Variants in TRAPPC12 observed in about 807,000 individuals in gnomAD.
TRAPPC12 encodes trafficking protein particle complex subunit 12.
In TRAPPC12, 61 loss-of-function variants were observed where a neutral mutation model predicts 69.2. The observed-to-expected ratio is 0.88, with a 90% CI of 0.72 to 1.09. TRAPPC12 has a LOEUF of 1.09. Among genes scored for constraint, TRAPPC12 ranks in the 50% least tolerant of loss-of-function variants. The probability of loss-of-function intolerance (pLI) is 0.00; values close to 1 mark genes in which losing one functional copy is unlikely to be tolerated. For missense variants in TRAPPC12, 1,101 were observed against 1,016.4 expected, an observed-to-expected ratio of 1.08 and a Z score of -1.13; for synonymous variants, 469 against 438.9, an observed-to-expected ratio of 1.07 and a Z score of -0.86.
At chr2:3,394,895 T>C (rs1450724451) in intron 2 of TRAPPC12, among the ~76,000 whole-genome samples, 1 of 152,216 alleles carries the variant, frequency 6.6e-6, no homozygotes, top group African/African-American at 2.4e-5. Context: ...GAACTTATTA[T>C]AAAGAGATAA....
At chr2:3,457,960 G>A (rs1665257313) in intron 7 of TRAPPC12, 3 of 1,345,812 alleles carry the variant, frequency 2.2e-6, no homozygotes, top group East Asian at 3.0e-5. Context: ...CCCGGAACCT[G>A]CCACGCTGAG....
At chr2:3,400,443 C>T (rs1661376304) in intron 2 of TRAPPC12, among the ~76,000 whole-genome samples, 1 of 152,118 alleles carries the variant, frequency 6.6e-6, no homozygotes, top group South Asian at 2.1e-4. Flanking sequence ...GCTTCCCTTT[C>T]CCCCTGGGCT....
At chr2:3,405,436 G>C (rs372676365) in intron 3 of TRAPPC12, among the ~76,000 whole-genome samples, 1 of 145,974 alleles carries the variant, frequency 6.9e-6, no homozygotes, top group East Asian at 2.0e-4. Context: ...AAATGACTTA[G>C]TATTTCTGAA....
At chr2:3,470,063 C>T (rs1665993396) in intron 9 of TRAPPC12, among the ~76,000 whole-genome samples, 1 of 152,102 alleles carries the variant, frequency 6.6e-6, no homozygotes, top group African/African-American at 2.4e-5. Context: ...AGGTGGGCAT[C>T]GCGTCGATGC....
chr2:3,457,868 G>A (rs1341262934), intron 7 of TRAPPC12, 175 bp downstream of exon 7: 22 of 1,438,342 alleles, frequency 1.5e-5, no homozygotes, highest in Admixed American at 2.8e-5. Flanking sequence ...ATCACTGGGT[G>A]ATGCTGTGGG....
At chr2:3,412,467 G>A (rs1174804710) in intron 3 of TRAPPC12, among the ~76,000 whole-genome samples, 8 of 152,126 alleles carry the variant, frequency 5.3e-5, no homozygotes, top group Admixed American at 2.6e-4. Flanking sequence ...AGGCTGAGGC[G>A]GGCGAATTGC....
intron 9 of TRAPPC12, among the ~76,000 whole-genome samples, chr2:3,465,970 C>T (rs1665789233): frequency 6.6e-6 from 1 of 152,194 alleles, no homozygotes; most frequent in South Asian, 2.1e-4. Context: ...CATTGTCCTG[C>T]TGCAGTTACG....
At chr2:3,442,360 G>C (rs933467268) in intron 5 of TRAPPC12, among the ~76,000 whole-genome samples, 2 of 152,210 alleles carry the variant, frequency 1.3e-5, no homozygotes, top group African/African-American at 4.8e-5. Flanking sequence ...TGAGACAGAA[G>C]GATGGAAGTG....
chr2:3,400,811 C>T (rs988353169), intron 2 of TRAPPC12, among the ~76,000 whole-genome samples: 2 of 152,266 alleles, frequency 1.3e-5, no homozygotes, highest in Middle Eastern at 3.4e-3. Flanking sequence ...TGAACTGTGC[C>T]GACTCCCGAG....
intron 5 of TRAPPC12, among the ~76,000 whole-genome samples, chr2:3,434,602 T>A (rs1663645758): frequency 6.6e-6 from 1 of 152,204 alleles, no homozygotes; most frequent in Non-Finnish European, 1.5e-5. Flanking sequence ...TCACCGCTGC[T>A]GTCTTTCTTG....
intron 6 of TRAPPC12, among the ~76,000 whole-genome samples, chr2:3,451,172 A>G (rs1190418350): frequency 6.6e-6 from 1 of 152,222 alleles, no homozygotes; most frequent in Admixed American, 6.5e-5. Flanking sequence ...CTTTGGACAA[A>G]ACACAAGCAG....
At chr2:3,465,574 A>G (rs1290609532) in intron 8 of TRAPPC12, 23 bp from the exon 9 acceptor site, 6 of 1,546,678 alleles carry the variant, frequency 3.9e-6, no homozygotes, top group Non-Finnish European at 5.4e-6. Context: ...GCTCTAAAGT[A>G]CGTTGGGTTT....
At chr2:3,431,627 T>A (rs1222465221) in intron 5 of TRAPPC12, among the ~76,000 whole-genome samples, 1 of 152,206 alleles carries the variant, frequency 6.6e-6, no homozygotes, top group Non-Finnish European at 1.5e-5. Flanking sequence ...GTTACACTAG[T>A]GCAGATTGTT....
intron 5 of TRAPPC12, among the ~76,000 whole-genome samples, chr2:3,435,541 G>A (rs1327477303): frequency 6.6e-6 from 1 of 152,078 alleles, no homozygotes; most frequent in Non-Finnish European, 1.5e-5. Context: ...AGTAGAAATG[G>A]GAGTGCCATA....
At chr2:3,464,630 C>T (rs918024605) in intron 8 of TRAPPC12, among the ~76,000 whole-genome samples, 3 of 152,210 alleles carry the variant, frequency 2.0e-5, no homozygotes, top group Non-Finnish European at 2.9e-5. Context: ...CAGGGCCTGC[C>T]GCACACAGCT....
intron 6 of TRAPPC12, among the ~76,000 whole-genome samples, chr2:3,448,067 G>A (rs1664610948): frequency 6.6e-6 from 1 of 152,240 alleles, no homozygotes; most frequent in Non-Finnish European, 1.5e-5. Flanking sequence ...TGTTAACGCT[G>A]CATGGATGTG....
At chr2:3,407,708 A>C (rs1661807002) in intron 3 of TRAPPC12, among the ~76,000 whole-genome samples, 1 of 152,014 alleles carries the variant, frequency 6.6e-6, no homozygotes, top group Non-Finnish European at 1.5e-5. Context: ...AGGCTGAGGC[A>C]GGAGAATGGT....
At chr2:3,441,196 A>G (rs1664181415) in intron 5 of TRAPPC12, among the ~76,000 whole-genome samples, 1 of 152,134 alleles carries the variant, frequency 6.6e-6, no homozygotes, top group Non-Finnish European at 1.5e-5. Context: ...GGGTAATGCC[A>G]GACTCATATA....
At chr2:3,383,978 C>G (rs1352564685) in intron 1 of TRAPPC12, among the ~76,000 whole-genome samples, 1 of 143,408 alleles carries the variant, frequency 7.0e-6, no homozygotes, top group Non-Finnish European at 1.5e-5. Flanking sequence ...TCACTGCAAC[C>G]TCCGCCTCCT....
Sources: allele counts gnomAD v4.1 joint callset (sites outside exome capture counted in the v4.1 genomes callset), GRCh38; gene constraint gnomAD v4.1.1; transcripts MANE v1.5; gene names NCBI Gene and HGNC (gene_info 2026-07-23, HGNC 2026-07-21).